ZNF624: variants seen among roughly 807,000 people sequenced by gnomAD.
ZNF624 encodes the protein zinc finger protein 624.
A neutral mutation model predicts 74.7 loss-of-function variants in ZNF624; 43 were observed. The observed-to-expected ratio is 0.58, with a 90% CI of 0.45 to 0.74. The LOEUF (loss-of-function observed/expected upper bound fraction) is 0.74. ZNF624 is among the 30% of genes least tolerant of loss of function. The pLI is 0.00. For missense variants in ZNF624, 820 were observed against 1,030.0 expected (o/e 0.80, Z 2.79); for synonymous variants, 331 against 341.3 (o/e 0.97, Z 0.33).
Position 16,653,797 on chromosome 17 carries a change from C to A in ZNF624, c.-36G>T, listed in dbSNP as rs373611824. 14 of 152,860 alleles carry A rather than the reference C, an allele frequency of 9.2e-5. No homozygotes were observed. In the East Asian group the frequency reaches 2.3e-3, roughly 25 times the overall value. The allele number at this position is 152,860 out of a possible 1,614,324, so 9.5% of individuals were successfully genotyped here. A position where few individuals can be genotyped will look rare whatever the true frequency, so the allele number is the denominator to read the frequency against. On this transcript the variant is annotated 5_prime_UTR_variant, in exon 1 of 6. Transcript: ENST00000311331. ...CGAACTGAGGACAACTGAGGGAACTCGCAGAGCAGGGCGGGAACGCTTCCA... is the reference window on the plus strand; with the variant it reads ...CGAACTGAGGACAACTGAGGGAACTAGCAGAGCAGGGCGGGAACGCTTCCA...
chr17:16,651,107 C>T (rs546689068), intron 1 of ZNF624, among the ~76,000 whole-genome samples: 3 of 151,792 alleles, frequency 2.0e-5, no homozygotes, highest in East Asian at 3.9e-4. Context: ...AAGGAGGAGA[C>T]CAGGGTTAGT....
rs201883955 is a variant in ZNF624 at position 16,633,983 on chromosome 17, T to C, written c.281-26A>G. 15 of 1,591,088 alleles carry C rather than the reference T, an allele frequency of 9.4e-6. No individual in the cohort carries two copies. The East Asian group carries it at 3.1e-4, about 33-fold the overall frequency. ...CTGTCCAGAGAAAAATAAATAGGAT[T>C]TGATTGGAGCCATGAGCAAGAACTC... is the stretch of plus-strand genomic sequence containing the variant. On this transcript the variant is annotated intron_variant, in intron 4 of 5. Coordinates refer to ENST00000311331, the MANE Select transcript of ZNF624 (RefSeq NM_020787.4).
At position 16,624,310 on chromosome 17, in the gene ZNF624, T is replaced by A. The variant is rs1909008432; in HGVS notation, c.576A>T (p.Pro192=). ...QENHLSQRII[P]LKKTPTSQRG... is the part of the protein sequence containing the mutation. ...TTTGACTAGTGGGAGTCTTCTTGAG[T>A]GGAATTATTCTTTGACTCAAATGAT... is the stretch of plus-strand genomic sequence containing the variant. Residue 192 remains proline, a synonymous_variant, in exon 6 of 6, where the codon CCA becomes CCT. Transcript: ENST00000311331. 1.2e-6 allele frequency: 2 copies of A among 1,613,382 alleles called. No homozygotes were observed. Among genetic ancestry groups the A allele is most frequent in the Admixed American group, 3.3e-5 (2 of 59,834 alleles).
intron 3 of ZNF624, among the ~76,000 whole-genome samples, chr17:16,640,620 T>C (rs932663707): frequency 2.5e-4 from 38 of 152,114 alleles, no homozygotes; most frequent in African/African-American, 9.2e-4. Flanking sequence ...AAAGGAACAC[T>C]ATGAACCATG....
Position 16,622,415 on chromosome 17 carries a change from G to A in ZNF624, c.2471C>T (p.Thr824Ile), listed in dbSNP as rs746880347. The A allele has an allele frequency of 3.1e-6, 5 of 1,613,946 alleles. No homozygotes were observed. The highest frequency in any genetic ancestry group is 1.1e-5 in the South Asian group (1 of 91,070). ...TCCAGTATGCATCCTCAAGTGTACA[G>A]TAAAGTCTGAGTTAGTTCTGAAGGC... ...GKAFRTNSDF[T>I]VHLRMHTGEK... The change falls in exon 6 of 6, where the codon ACT (threonine) becomes ATT (isoleucine). Residue 824 changes from threonine to isoleucine, a missense_variant. Coordinates refer to ENST00000311331, the MANE Select transcript of ZNF624 (RefSeq NM_020787.4).
At chr17:16,643,403 T>C (rs1010313382) in intron 3 of ZNF624, among the ~76,000 whole-genome samples, 4 of 152,320 alleles carry the variant, frequency 2.6e-5, no homozygotes, top group Admixed American at 2.0e-4. Flanking sequence ...GAAAATATTA[T>C]GCTAAAATGA....
At chr17:16,647,998 C>T (rs7213274) in intron 2 of ZNF624, among the ~76,000 whole-genome samples, 34,847 of 151,494 alleles carry the variant, frequency 0.23, 4,447 homozygotes, top group East Asian at 0.36. Context: ...TGCAGTGGGG[C>T]GATCTTGGCT....
chr17:16,626,467 A>G (rs1202498084), intron 5 of ZNF624, among the ~76,000 whole-genome samples: 1 of 152,286 alleles, frequency 6.6e-6, no homozygotes, highest in Non-Finnish European at 1.5e-5. Context: ...AAAAAAAGCT[A>G]TAAGGCTGGG....
rs1178127786 is a variant in ZNF624, at chr17:16,649,682, A to G, written c.63T>C (p.Ala21=). The G allele has an allele frequency of 6.2e-7, 1 of 1,613,712 alleles. No individual in the cohort carries two copies. The highest frequency in any genetic ancestry group is 2.2e-5 in the East Asian group (1 of 44,896). ...EGKPEGEIMA[A]VFFSVGRLSP... ...CCAGGCGTCCAACTGAGAAAAACACAGCAGCCATAATCTCTCCCTCTGGTT... is the reference window on the plus strand; with the variant it reads ...CCAGGCGTCCAACTGAGAAAAACACGGCAGCCATAATCTCTCCCTCTGGTT... Residue 21 remains alanine (A), a synonymous_variant, in exon 2 of 6, where the codon GCT becomes GCC. Transcript: ENST00000311331.
At chr17:16,639,653 G>A (rs1278532024) in intron 3 of ZNF624, among the ~76,000 whole-genome samples, 1 of 152,102 alleles carries the variant, frequency 6.6e-6, no homozygotes, top group Non-Finnish European at 1.5e-5. Flanking sequence ...AGACTTACTG[G>A]TTTAAGGCAA....
chr17:16,633,776 A>C, intron 5 of ZNF624, 86 bp downstream of exon 5: 1 of 1,094,178 alleles, frequency 9.1e-7, no homozygotes, highest in Non-Finnish European at 1.4e-6. Flanking sequence ...ATATATCTTC[A>C]AAATTATTTC....
intron 3 of ZNF624, among the ~76,000 whole-genome samples, chr17:16,640,765 T>G (rs981248713): frequency 1.3e-5 from 2 of 152,190 alleles, no homozygotes; most frequent in African/African-American, 4.8e-5. Flanking sequence ...TCAAATGGTT[T>G]CATGTGAATT....
chr17:16,645,575 T>C (rs1200047848), intron 3 of ZNF624, among the ~76,000 whole-genome samples: 5 of 150,746 alleles, frequency 3.3e-5, no homozygotes, highest in South Asian at 2.1e-4. Flanking sequence ...AAAAAACATG[T>C]ACCTGTAAAA....
At chr17:16,617,549 G>A, downstream of ZNF624, 1 of 1,570,194 alleles carries the variant, frequency 6.4e-7, no homozygotes, top group South Asian at 1.1e-5. Flanking sequence ...TCTACAATAA[G>A]CCTGTATTCT....
chr17:16,637,487 C>CA (rs1242848601), intron 3 of ZNF624, among the ~76,000 whole-genome samples: 1 of 152,088 alleles, frequency 6.6e-6, no homozygotes, highest in African/African-American at 2.4e-5. Flanking sequence ...CTACAGTAAC[C>CA]AAAACAGCAT....
At chr17:16,615,949 C>CCATATA (rs1208260013), downstream of ZNF624, among the ~76,000 whole-genome samples, 8 of 79,614 alleles carry the variant, frequency 1.0e-4, no homozygotes, top group African/African-American at 3.8e-4. Flanking sequence ...AAAATCTATT[C>CCATATA]CATATACATA....
Position 16,623,315 on chromosome 17 carries a change from C to G in ZNF624, c.1571G>C (p.Gly524Ala), listed in dbSNP as rs1908973039. The part of the protein sequence containing the change: ...NFTEHQRIHT[G>A]EKPYKCNECG... ...TTCATTACATTTATAGGGTTTTTCT[C>G]CTGTGTGAATTCGCTGATGTTCTGT... The change falls in exon 6 of 6, where the codon GGA becomes GCA. Residue 524 changes from glycine to alanine, a missense_variant. Physicochemically the swap from Gly to Ala is moderately conservative, Grantham distance 60 (BLOSUM62 0). Transcript: ENST00000311331. The surrounding 1 kb of genome is among the most constrained non-coding windows in gnomAD (Gnocchi z 5.3). The G allele has an allele frequency of 8.1e-6, 13 of 1,613,540 alleles. No individual in the cohort carries two copies. The highest frequency in any genetic ancestry group is 7.6e-6 in the Non-Finnish European group (9 of 1,179,718).
Position 16,622,329 on chromosome 17 carries a change from C to A in ZNF624, c.2557G>T (p.Val853Leu). ...TCTCTTTGATGTATTCTTTGATGTA[C>A]AGTAAGGCTCGAACTACTCCTGAAG... is the stretch of plus-strand genomic sequence containing the variant. ...KAFRSSSSLTVHQRIHQRETQ... is the reference protein window; with the variant it reads ...KAFRSSSSLTLHQRIHQRETQ... The change falls in exon 6 of 6, where the codon GTA (valine) becomes TTA (leucine). Residue 853 changes from valine to leucine, a missense_variant. By Grantham distance (32) the Val-to-Leu change is conservative (BLOSUM62 1). Transcript: ENST00000311331. The A allele has an allele frequency of 1.2e-6, 2 of 1,602,614 alleles. No individual in the cohort carries two copies. Among genetic ancestry groups the A allele is most frequent in the Non-Finnish European group, 1.7e-6 (2 of 1,175,882 alleles).
intron 3 of ZNF624, among the ~76,000 whole-genome samples, chr17:16,642,416 T>A (rs1362529519): frequency 6.6e-6 from 1 of 152,038 alleles, no homozygotes; most frequent in Non-Finnish European, 1.5e-5. Flanking sequence ...AGACAATGAG[T>A]AGAGAATAGT....
Sources: gnomAD v4.1 joint callset for allele counts (sites outside exome capture counted in the v4.1 genomes callset) on GRCh38, gnomAD v4.1.1 for gene constraint, Gnocchi (gnomAD v3.1) non-coding constraint, MANE v1.5 for transcripts, NCBI Gene and HGNC (gene_info 2026-07-23, HGNC 2026-07-21) for gene names.